The following LHFPL3 variants were observed in gnomAD, a reference collection of about 807,000 sequenced individuals.
LHFPL3 encodes the protein LHFPL tetraspan subfamily member 3 protein.
A neutral mutation model predicts 19.3 loss-of-function variants in LHFPL3; 5 were observed. That is an observed-to-expected ratio of 0.26 (90% CI 0.14 to 0.54). LHFPL3 has a LOEUF of 0.54. Among genes scored for constraint, LHFPL3 ranks in the 20% least tolerant of loss-of-function variants. LHFPL3 has a pLI of 0.94. For synonymous variants in LHFPL3, 133 were observed against 126.2 expected (o/e 1.05, Z -0.36); for missense variants, 249 against 307.4 (o/e 0.81, Z 1.42).
At chr7:104,889,659 G>A (rs920977994) in intron 2 of LHFPL3, among the ~76,000 whole-genome samples, 1 of 152,072 alleles carries the variant, frequency 6.6e-6, no homozygotes, top group Non-Finnish European at 1.5e-5. Flanking sequence ...AACAAGGAAA[G>A]TATTGGCTTT....
chr7:104,796,985 T>C (rs1212078053), intron 2 of LHFPL3: 1 of 152,706 alleles, frequency 6.5e-6, no homozygotes, highest in Admixed American at 6.5e-5. Context: ...CAAAAGCTTC[T>C]GCAAACCTTG....
intron 1 of LHFPL3, among the ~76,000 whole-genome samples, chr7:104,564,810 C>T (rs1790087472): frequency 6.6e-6 from 1 of 152,162 alleles, no homozygotes; most frequent in Admixed American, 6.5e-5. Flanking sequence ...GAACACCCAT[C>T]TGGGCTTTCT....
intron 2 of LHFPL3, among the ~76,000 whole-genome samples, chr7:104,779,177 T>C (rs550246174): frequency 6.6e-6 from 1 of 152,164 alleles, no homozygotes; most frequent in Non-Finnish European, 1.5e-5. Context: ...TCTTTATCTA[T>C]TGAACGGGAT....
At chr7:104,720,495 A>T (rs1008323678) in intron 1 of LHFPL3, among the ~76,000 whole-genome samples, 7 of 152,212 alleles carry the variant, frequency 4.6e-5, no homozygotes, top group Admixed American at 2.6e-4. Context: ...GGACTTCATG[A>T]CTAAAACACC....
chr7:104,357,265 C>T (rs922350028), intron 1 of LHFPL3, among the ~76,000 whole-genome samples: 1 of 152,156 alleles, frequency 6.6e-6, no homozygotes, highest in Non-Finnish European at 1.5e-5. Flanking sequence ...CCAGATTATT[C>T]TCAGAGCTAG....
In LHFPL3 at chr7:104,842,078, T is replaced by C. The variant is rs141925822; in HGVS notation, c.683-64109T>C. 1.2e-4 allele frequency among the ~76,000 whole-genome samples: 18 copies of C among 151,970 alleles called. No individual in the cohort carries two copies. In the East Asian group the frequency reaches 3.5e-3, roughly 29 times the overall value. Reference sequence around the variant, plus strand: ...TCCCCCACCATGAATATTTCATCTGTCCTAGACAGCACTTTTATAGAGGAT... The same window carrying C: ...TCCCCCACCATGAATATTTCATCTGCCCTAGACAGCACTTTTATAGAGGAT... On this transcript the variant is annotated intron_variant, in intron 2 of 2. Coordinates refer to ENST00000424859, the MANE Select transcript of LHFPL3 (RefSeq NM_199000.3).
At chr7:104,462,065 A>G (rs1312268946) in intron 1 of LHFPL3, among the ~76,000 whole-genome samples, 1 of 152,180 alleles carries the variant, frequency 6.6e-6, no homozygotes, top group Non-Finnish European at 1.5e-5. Context: ...GTATATAAGA[A>G]TGCTACTGAA....
At chr7:104,849,183 G>A (rs1301344090) in intron 2 of LHFPL3, among the ~76,000 whole-genome samples, 3 of 152,106 alleles carry the variant, frequency 2.0e-5, no homozygotes, top group Non-Finnish European at 2.9e-5. Context: ...CACCCACTTC[G>A]GCCTCCGGAA....
intron 1 of LHFPL3, among the ~76,000 whole-genome samples, chr7:104,578,446 C>T (rs913009593): frequency 1.3e-5 from 2 of 152,134 alleles, no homozygotes; most frequent in African/African-American, 2.4e-5. Context: ...GGGTTCTAGG[C>T]CCCAGGCAGG....
intron 1 of LHFPL3, among the ~76,000 whole-genome samples, chr7:104,516,715 A>G (rs1584374011): frequency 6.6e-6 from 1 of 152,286 alleles, no homozygotes; most frequent in African/African-American, 2.4e-5. Flanking sequence ...AATTAGTTCA[A>G]CCATTATGGA....
Position 104,584,268 on chromosome 7 carries a change from C to T in LHFPL3, c.446-152407C>T, listed in dbSNP as rs147848451. On this transcript the variant is annotated intron_variant, in intron 1 of 2. Transcript: ENST00000424859. ...GTGGGAATTGAACAATGAGAACACA[C>T]GGACACAGGAAGGGGAACGTCACAC... 4.2e-3 allele frequency among the ~76,000 whole-genome samples: 632 copies of T among 150,784 alleles called. 34 individuals carry two copies. In the East Asian group the frequency reaches 0.1, roughly 24 times the overall value.
intron 2 of LHFPL3, among the ~76,000 whole-genome samples, chr7:104,791,656 C>T (rs1253892052): frequency 6.6e-6 from 1 of 152,144 alleles, no homozygotes; most frequent in Non-Finnish European, 1.5e-5. Flanking sequence ...GTTGCCTGGC[C>T]ATACTTGGGA....
chr7:104,403,260 T>C (rs41393548), intron 1 of LHFPL3, among the ~76,000 whole-genome samples: 6,198 of 152,290 alleles, frequency 0.041, 435 homozygotes, highest in African/African-American at 0.14. Flanking sequence ...CTTGAGAAGC[T>C]TTTGACACAC....
intron 2 of LHFPL3, among the ~76,000 whole-genome samples, chr7:104,815,058 T>A (rs1052706282): frequency 4.6e-5 from 7 of 152,112 alleles, no homozygotes; most frequent in Non-Finnish European, 1.0e-4. Context: ...TTTGGGTGGC[T>A]GCAGCTATGC....
rs137962993 is a variant in LHFPL3, at chr7:104,790,625, G to T, written c.682+53714G>T. Among the ~76,000 whole-genome samples the T allele has an allele frequency of 2.9e-3, 449 of 152,222 alleles. 9 individuals carry two copies. Among genetic ancestry groups the T allele is most frequent in the Admixed American group, 0.027 (420 of 15,278 alleles). On this transcript the variant is annotated intron_variant, in intron 2 of 2. Coordinates refer to ENST00000424859, the MANE Select transcript of LHFPL3 (RefSeq NM_199000.3). ...AAGCAGACCATTAGTCATCTTAATT[G>T]CTATCTGATTTATGTCAGGATGCCA...
intron 2 of LHFPL3, among the ~76,000 whole-genome samples, chr7:104,765,144 T>G (rs1409653496): frequency 6.6e-6 from 1 of 152,352 alleles, no homozygotes; most frequent in Non-Finnish European, 1.5e-5. Flanking sequence ...AAAATTTTGT[T>G]GGACTCTTAC....
chr7:104,645,252 G>A (rs1007533554), intron 1 of LHFPL3, among the ~76,000 whole-genome samples: 2 of 152,014 alleles, frequency 1.3e-5, no homozygotes, highest in Non-Finnish European at 2.9e-5. Context: ...CTCCAACTCT[G>A]TTTTTTTCAA....
chr7:104,381,834 C>T (rs1488078799), intron 1 of LHFPL3, among the ~76,000 whole-genome samples: 1 of 152,086 alleles, frequency 6.6e-6, no homozygotes, highest in East Asian at 1.9e-4. Flanking sequence ...TCATTGATAG[C>T]TTGCTTTTGA....
chr7:104,838,511 A>G (rs1419631706), intron 2 of LHFPL3, among the ~76,000 whole-genome samples: 1 of 152,184 alleles, frequency 6.6e-6, no homozygotes, highest in East Asian at 1.9e-4. Flanking sequence ...TTTATTAATT[A>G]TTTTACAGAT....
Sources: gnomAD v4.1 joint callset for allele counts (sites outside exome capture counted in the v4.1 genomes callset) on GRCh38, gnomAD v4.1.1 for gene constraint, MANE v1.5 for transcripts, NCBI Gene and HGNC (gene_info 2026-07-23, HGNC 2026-07-21) for gene names.